The following GRIN2B variants were observed in gnomAD, a reference collection of about 807,000 sequenced individuals.
GRIN2B encodes glutamate receptor ionotropic, NMDA 2B.
A neutral mutation model predicts 114.5 loss-of-function variants in GRIN2B; 5 were observed. That is an observed-to-expected ratio of 0.04 (90% CI 0.02 to 0.09). GRIN2B has a LOEUF of 0.09. Among genes scored for constraint, GRIN2B ranks in the 10% least tolerant of loss-of-function variants. The pLI is 1.00. For missense variants in GRIN2B, 1,108 were observed against 1,943.5 expected, an observed-to-expected ratio of 0.57 and a Z score of 8.08; for synonymous variants, 787 against 745.1, an observed-to-expected ratio of 1.06 and a Z score of -0.92.
intron 4 of GRIN2B, among the ~76,000 whole-genome samples, chr12:13,710,686 C>T (rs1294560728): frequency 1.3e-5 from 2 of 151,928 alleles, no homozygotes; most frequent in Admixed American, 6.6e-5. Context: ...CGTGAAGGAC[C>T]TCTTCAAGAA....
chr12:13,832,623 T>A (rs553221058), intron 3 of GRIN2B, among the ~76,000 whole-genome samples: 2 of 152,350 alleles, frequency 1.3e-5, no homozygotes, highest in East Asian at 3.9e-4. Context: ...CATTTTCCTA[T>A]TTCATTATTA....
chr12:13,819,196 G>C (rs1028899614), intron 3 of GRIN2B, among the ~76,000 whole-genome samples: 2 of 152,202 alleles, frequency 1.3e-5, no homozygotes, highest in Non-Finnish European at 2.9e-5. Context: ...CCGTGTGAGT[G>C]AGAGAGAAGG....
In GRIN2B at chr12:13,720,278, C is replaced by T. The variant is rs1015458447; in HGVS notation, c.1010+33039G>A. ...ATTCAACCAAGCAGTCTTTTTCTTACATCCCCAATACAAAATGGCATGCCC... is the reference window on the plus strand; with the variant it reads ...ATTCAACCAAGCAGTCTTTTTCTTATATCCCCAATACAAAATGGCATGCCC... On this transcript the variant is annotated intron_variant, in intron 4 of 13. Coordinates refer to ENST00000609686, the MANE Select transcript of GRIN2B (RefSeq NM_000834.5). Among the ~76,000 whole-genome samples the T allele has an allele frequency of 2.6e-5, 4 of 152,022 alleles. No homozygotes were observed. The South Asian group carries it at 6.2e-4, about 24-fold the overall frequency.
rs1411402744 is a variant in GRIN2B at position 13,563,942 on chromosome 12, C to T, written c.3296G>A (p.Arg1099His). Residue 1099 changes from arginine to histidine, a missense_variant, in exon 14 of 14, where the codon CGC (arginine) becomes CAC (histidine). Around this residue, in one of 19 missense-constraint regions of GRIN2B, gnomAD observed 18 missense variants for 23.6 expected, o/e 0.76. Transcript: ENST00000609686. The part of the protein sequence containing the change: ...LKKRPASAKS[R>H]REFDEIELAY... ...CAGCTCGATCTCGTCAAACTCCCTGCGGGACTTGGCCGAGGCAGGCCGCTT... is the reference window on the plus strand; with the variant it reads ...CAGCTCGATCTCGTCAAACTCCCTGTGGGACTTGGCCGAGGCAGGCCGCTT... 8.1e-6 allele frequency: 13 copies of T among 1,614,212 alleles called. No homozygotes were observed. The East Asian group carries it at 1.3e-4, about 17-fold the overall frequency.
intron 5 of GRIN2B, among the ~76,000 whole-genome samples, chr12:13,640,906 A>G (rs1949708753): frequency 6.6e-6 from 1 of 152,046 alleles, no homozygotes; most frequent in African/African-American, 2.4e-5. Flanking sequence ...AGCAATAGTA[A>G]CCATTAGTTG....
chr12:13,562,635 A>G lies in GRIN2B; in HGVS notation c.*148T>C. The G allele has an allele frequency of 1.4e-6, 1 of 734,788 alleles. No individual in the cohort carries two copies. The allele number at this position is 734,788 out of a possible 1,614,324, so 45.5% of individuals were successfully genotyped here. ...GTCACCAGGGTTGCCCCCAGTAGGA[A>G]CCAGAACTCCAGGATCCCATAAATA... On this transcript the variant is annotated 3_prime_UTR_variant, in exon 14 of 14. Transcript: ENST00000609686.
rs780293991 is a variant in GRIN2B, at chr12:13,563,258, T to C, written c.3980A>G (p.Lys1327Arg). Reference protein sequence around the residue: ...LAPRSVSLKDKGRFMDGSPYA... With the variant: ...LAPRSVSLKDRGRFMDGSPYA... ...GGGGCTCCCATCCATGAATCGGCCC[T>C]TGTCTTTCAGGCTTACGCTGCGCGG... Residue 1327 changes from lysine (K) to arginine (R), a missense_variant, in exon 14 of 14, where the codon AAG becomes AGG. Lys to Arg is a conservative substitution (Grantham distance 26). Around this residue, in one of 19 missense-constraint regions of GRIN2B, gnomAD observed 478 missense variants for 506.0 expected, o/e 0.94. Coordinates refer to ENST00000609686, the MANE Select transcript of GRIN2B (RefSeq NM_000834.5). 7 of 1,614,102 alleles carry C rather than the reference T, an allele frequency of 4.3e-6. No individual in the cohort carries two copies. The highest frequency in any genetic ancestry group is 2.2e-5 in the East Asian group (1 of 44,894).
chr12:13,742,968 G>A (rs1863311718), intron 4 of GRIN2B, among the ~76,000 whole-genome samples: 1 of 152,128 alleles, frequency 6.6e-6, no homozygotes, highest in Non-Finnish European at 1.5e-5. Flanking sequence ...TTAGGCATGG[G>A]GATGAAGGAT....
chr12:13,547,981 A>ATATATATATATATATATATTTTT lies in GRIN2B; in HGVS notation c.*14801_*14802insAAAAATATATATATATATATATA. On this transcript the variant is annotated 3_prime_UTR_variant, in exon 14 of 14. Transcript: ENST00000609686. Reference sequence around the variant, plus strand: ...TGTGTATATATATATATATATATATATTTTTTTTTTTTTTCTGAAAGCTAC... The same window carrying ATATATATATATATATATATTTTT: ...TGTGTATATATATATATATATATATATATATATATATATATATATTTTTTTTTTTTTTTTTTTCTGAAAGCTAC... 1 of 68,578 alleles carries ATATATATATATATATATATTTTT rather than the reference A, an allele frequency of 1.5e-5. No homozygotes were observed. Among genetic ancestry groups the ATATATATATATATATATATTTTT allele is most frequent in the African/African-American group, 4.6e-5 (1 of 21,750 alleles). 4.2% of individuals were successfully genotyped at this position (68,578 alleles called of 1,614,324 possible).
intron 5 of GRIN2B, among the ~76,000 whole-genome samples, chr12:13,660,113 C>T (rs1949906824): frequency 6.6e-6 from 1 of 152,104 alleles, no homozygotes; most frequent in Non-Finnish European, 1.5e-5. Context: ...AGAGAGAGGG[C>T]CCCAATACAG....
At position 13,905,314 on chromosome 12, in the gene GRIN2B, C is replaced by T. The variant is rs187488756; in HGVS notation, c.-18-39088G>A. ...CACTAATTCTCTCTTTAGCTCTATACAAATCAGCTGCTAGATCAATCAGAT... is the reference window on the plus strand; with the variant it reads ...CACTAATTCTCTCTTTAGCTCTATATAAATCAGCTGCTAGATCAATCAGAT... On this transcript the variant is annotated intron_variant, in intron 2 of 13. Transcript: ENST00000609686. Among the ~76,000 whole-genome samples, 8 of 152,274 alleles carry T rather than the reference C, an allele frequency of 5.3e-5. No homozygotes were observed. The East Asian group carries it at 1.5e-3, about 29-fold the overall frequency.
intron 4 of GRIN2B, among the ~76,000 whole-genome samples, chr12:13,735,121 T>C (rs1047646490): frequency 6.6e-6 from 1 of 152,170 alleles, no homozygotes; most frequent in Non-Finnish European, 1.5e-5. Context: ...TCATCAGAGA[T>C]TTGTGAGGAA....
At chr12:13,707,484 C>T (rs1377401593) in intron 4 of GRIN2B, among the ~76,000 whole-genome samples, 2 of 152,146 alleles carry the variant, frequency 1.3e-5, no homozygotes, top group East Asian at 1.9e-4. Flanking sequence ...ATTTGCTATA[C>T]GTTTATGTAG....
intron 3 of GRIN2B, among the ~76,000 whole-genome samples, chr12:13,775,425 G>A (rs1442833431): frequency 6.6e-6 from 1 of 152,180 alleles, no homozygotes; most frequent in African/African-American, 2.4e-5. Context: ...GAATGCACCT[G>A]CCTCTCCGGG....
intron 5 of GRIN2B, among the ~76,000 whole-genome samples, chr12:13,658,037 C>G (rs1949883806): frequency 6.6e-6 from 1 of 152,084 alleles, no homozygotes; most frequent in African/African-American, 2.4e-5. Context: ...GACACCCTGT[C>G]TCTACTAAAA....
intron 2 of GRIN2B, among the ~76,000 whole-genome samples, chr12:13,921,278 G>A (rs555818962): frequency 1.4e-4 from 22 of 152,126 alleles, no homozygotes; most frequent in African/African-American, 5.3e-4. Flanking sequence ...CAGACCTGTA[G>A]TCCCAGCTGC....
chr12:13,612,283 T>C (rs550699975), intron 8 of GRIN2B, among the ~76,000 whole-genome samples: 2 of 152,326 alleles, frequency 1.3e-5, no homozygotes, highest in South Asian at 2.1e-4. Flanking sequence ...GATACAGTCT[T>C]TCTCAACAGA....
intron 5 of GRIN2B, among the ~76,000 whole-genome samples, chr12:13,638,780 T>C (rs1312823354): frequency 1.3e-5 from 2 of 152,054 alleles, no homozygotes; most frequent in Non-Finnish European, 2.9e-5. Flanking sequence ...CCCAGAGAAC[T>C]GTGTATTCCT....
chr12:13,671,608 C>T (rs1436869717), intron 5 of GRIN2B, among the ~76,000 whole-genome samples: 1 of 152,138 alleles, frequency 6.6e-6, no homozygotes, highest in Non-Finnish European at 1.5e-5. Context: ...CCCCCAAGTC[C>T]TTCCCTGGCA....
Sources: allele counts gnomAD v4.1 joint callset (sites outside exome capture counted in the v4.1 genomes callset), GRCh38; gene constraint gnomAD v4.1.1; regional missense constraint gnomAD v4.1.1; transcripts MANE v1.5; gene names NCBI Gene and HGNC (gene_info 2026-07-23, HGNC 2026-07-21).